The following WDSUB1 variants were observed in gnomAD, a reference collection of about 807,000 sequenced individuals.
The protein encoded by WDSUB1 is WD repeat, SAM and U-box domain-containing protein 1.
In WDSUB1, 49 loss-of-function variants were observed where a neutral mutation model predicts 53.9. That is an observed-to-expected ratio of 0.91 (90% confidence interval 0.72 to 1.15). WDSUB1 has a LOEUF of 1.15. Ranked by LOEUF, WDSUB1 falls within the 50% of genes most tolerant of loss-of-function variation. The probability of loss-of-function intolerance (pLI) is 0.00; values close to 1 mark genes in which losing one functional copy is unlikely to be tolerated. For synonymous variants in WDSUB1, 194 were observed against 200.6 expected (o/e 0.97, Z 0.28); for missense variants, 514 against 562.0 (o/e 0.91, Z 0.86).
chr2:159,248,000 CTT>C (rs1469318416), intron 10 of WDSUB1, among the ~76,000 whole-genome samples: 2 of 121,238 alleles, frequency 1.6e-5, no homozygotes, highest in African/African-American at 6.2e-5. Flanking sequence ...TCTGTTAACA[CTT>C]AGAAATATGG....
chr2:159,239,957 C>CT (rs1211520207), intron 10 of WDSUB1, among the ~76,000 whole-genome samples: 1 of 152,178 alleles, frequency 6.6e-6, no homozygotes, highest in African/African-American at 2.4e-5. Context: ...GCCTTTTGCT[C>CT]TTTTTGAGAT....
In WDSUB1 at chr2:159,271,714, A is replaced by G. The variant is rs771939871; in HGVS notation, c.758T>C (p.Met253Thr). 1 of 1,614,096 alleles carries G rather than the reference A, an allele frequency of 6.2e-7. No homozygotes were observed. The highest frequency in any genetic ancestry group is 1.3e-5 in the African/African-American group (1 of 75,052). Reference protein sequence around the residue: ...LACAFSHDGQMLVSGSVDKSV... With the variant: ...LACAFSHDGQTLVSGSVDKSV... ...CCAACTAGCTTACCCTGAGACTAGCATCTGCCCATCATGGGAAAAAGCACA... is the reference window on the plus strand; with the variant it reads ...CCAACTAGCTTACCCTGAGACTAGCGTCTGCCCATCATGGGAAAAAGCACA... Residue 253 changes from methionine to threonine, a missense_variant, in exon 5 of 11, where the codon ATG becomes ACG. Physicochemically the swap from Met to Thr is moderately conservative, Grantham distance 81. Coordinates refer to ENST00000359774, the MANE Select transcript of WDSUB1 (RefSeq NM_001128212.3).
chr2:159,239,830 C>G (rs989366208), intron 10 of WDSUB1, among the ~76,000 whole-genome samples: 10 of 152,180 alleles, frequency 6.6e-5, no homozygotes, highest in Non-Finnish European at 1.3e-4. Context: ...TGTAGCTCCC[C>G]CACCTTGGGG....
intron 5 of WDSUB1, 135 bp downstream of exon 5, chr2:159,271,567 C>G: frequency 1.4e-6 from 1 of 731,048 alleles, no homozygotes; most frequent in Non-Finnish European, 2.3e-6. Flanking sequence ...GCTTCTGGGG[C>G]AGAACCAGCA....
intron 5 of WDSUB1, among the ~76,000 whole-genome samples, chr2:159,261,917 T>A (rs1425966787): frequency 3.0e-4 from 29 of 97,644 alleles, no homozygotes; most frequent in African/African-American, 9.6e-4. Context: ...TTTTTTTTTT[T>A]TTTTTTTTTT....
intron 5 of WDSUB1, among the ~76,000 whole-genome samples, chr2:159,265,229 C>A (rs750917254): frequency 4.3e-5 from 6 of 139,984 alleles, no homozygotes; most frequent in Non-Finnish European, 1.7e-5. Context: ...GAAGTCAAGG[C>A]TCCAGTGAGC....
intron 10 of WDSUB1, among the ~76,000 whole-genome samples, chr2:159,248,043 T>C (rs1306979967): frequency 1.3e-5 from 2 of 149,644 alleles, no homozygotes; most frequent in African/African-American, 4.8e-5. Flanking sequence ...AAATTCTTTG[T>C]AGAAGATTGT....
intron 9 of WDSUB1, among the ~76,000 whole-genome samples, chr2:159,253,134 C>T (rs554451597): frequency 4.6e-5 from 7 of 152,312 alleles, no homozygotes; most frequent in African/African-American, 1.7e-4. Flanking sequence ...CGTAATATCA[C>T]ATCTAAAAGT....
intron 5 of WDSUB1, among the ~76,000 whole-genome samples, chr2:159,266,131 T>C (rs1282885282): frequency 3.3e-5 from 5 of 152,328 alleles, no homozygotes; most frequent in African/African-American, 9.6e-5. Context: ...TAAATAGTGA[T>C]AGATGTAACC....
chr2:159,264,533 C>A (rs1293345587), intron 5 of WDSUB1, among the ~76,000 whole-genome samples: 2 of 152,182 alleles, frequency 1.3e-5, no homozygotes, highest in Non-Finnish European at 2.9e-5. Context: ...TTTCCCACCC[C>A]TTCTGGGGTA....
chr2:159,263,801 T>C (rs1224590930), intron 5 of WDSUB1, among the ~76,000 whole-genome samples: 2 of 152,234 alleles, frequency 1.3e-5, no homozygotes, highest in Admixed American at 6.5e-5. Flanking sequence ...AAATACGTTA[T>C]ATAATTGGTG....
intron 10 of WDSUB1, among the ~76,000 whole-genome samples, chr2:159,241,963 TAAGAATG>T (rs1234595924): frequency 6.8e-6 from 1 of 147,570 alleles, no homozygotes; most frequent in East Asian, 2.1e-4. Context: ...ATCCTGCAGA[TAAGAATG>T]AAGCATGTAC....
intron 9 of WDSUB1, among the ~76,000 whole-genome samples, chr2:159,249,355 A>T (rs1455726589): frequency 6.6e-6 from 1 of 152,242 alleles, no homozygotes; most frequent in Non-Finnish European, 1.5e-5. Context: ...TTAGTTTTAG[A>T]AAGTCTAATG....
In WDSUB1 at chr2:159,282,975, T is replaced by C. The variant is rs746217455; in HGVS notation, c.95A>G (p.Lys32Arg). 6.2e-7 allele frequency: 1 copy of C among 1,614,192 alleles called. No individual in the cohort carries two copies. The highest frequency in any genetic ancestry group is 1.1e-5 in the South Asian group (1 of 91,082). ...ACGTAACGAGTACAGGCGAATTGTTTTGTCCAAGGAGCAAGTAGCCAAGAG... is the reference window on the plus strand; with the variant it reads ...ACGTAACGAGTACAGGCGAATTGTTCTGTCCAAGGAGCAAGTAGCCAAGAG... ...FSLLATCSLD[K>R]TIRLYSLRDF... Residue 32 changes from lysine (K) to arginine (R), a missense_variant, in exon 2 of 11, where the codon AAA (lysine) becomes AGA (arginine). Transcript: ENST00000359774.
intron 9 of WDSUB1, among the ~76,000 whole-genome samples, chr2:159,254,424 G>A (rs2061016883): frequency 6.6e-6 from 1 of 151,986 alleles, no homozygotes; most frequent in Admixed American, 6.6e-5. Context: ...AGCCAGGCAT[G>A]GTGGCACATG....
rs574570535 is a variant in WDSUB1, at chr2:159,254,816, G to A, written c.1132+1380C>T. On this transcript the variant is annotated intron_variant, in intron 9 of 10. Transcript: ENST00000359774. ...TATTACCTACTCTCAGAAGAAAGAG[G>A]AAGTTGAAAGGAAATGTTTTATTAC... is the stretch of plus-strand genomic sequence containing the variant. Among the ~76,000 whole-genome samples the A allele has an allele frequency of 3.9e-5, 6 of 152,174 alleles. No individual in the cohort carries two copies. The South Asian group carries it at 1.2e-3, about 32-fold the overall frequency.
chr2:159,256,477 T>C, intron 8 of WDSUB1, 102 bp from the exon 9 acceptor site: 2 of 1,268,464 alleles, frequency 1.6e-6, no homozygotes, highest in Non-Finnish European at 1.1e-6. Flanking sequence ...TAAATCTGTG[T>C]TTTATAGCTA....
intron 4 of WDSUB1, among the ~76,000 whole-genome samples, chr2:159,273,475 C>T (rs1254707350): frequency 1.3e-5 from 2 of 151,858 alleles, no homozygotes; most frequent in Non-Finnish European, 2.9e-5. Flanking sequence ...GGCTGGAGTG[C>T]GGTGGTACAG....
chr2:159,276,063 CT>C (rs11320567), intron 3 of WDSUB1, among the ~76,000 whole-genome samples: 56,982 of 145,952 alleles, frequency 0.39, 12,333 homozygotes, highest in Non-Finnish European at 0.53. Flanking sequence ...CAATTTCTTC[CT>C]TTTTTTTTTT....
Sources: gnomAD v4.1 joint callset for allele counts (sites outside exome capture counted in the v4.1 genomes callset) on GRCh38, gnomAD v4.1.1 for gene constraint, MANE v1.5 for transcripts, NCBI Gene and HGNC (gene_info 2026-07-23, HGNC 2026-07-21) for gene names.